SMYD3: variants seen among roughly 807,000 people sequenced by gnomAD.
SMYD3 encodes the protein histone-lysine N-methyltransferase SMYD3.
A neutral mutation model predicts 57.7 loss-of-function variants in SMYD3; 36 were observed. The ratio of observed to expected loss-of-function variants is 0.62; its 90% CI spans 0.48 to 0.82. SMYD3 has a LOEUF of 0.82. SMYD3 is among the 40% of genes least tolerant of loss of function. The probability of loss-of-function intolerance (pLI) is 0.00; values close to 1 mark genes in which losing one functional copy is unlikely to be tolerated. For synonymous variants in SMYD3, 211 were observed against 195.0 expected, an observed-to-expected ratio of 1.08 and a Z score of -0.68; for missense variants, 515 against 538.8, an observed-to-expected ratio of 0.96 and a Z score of 0.44.
At chr1:246,380,552 T>C (rs2066370568) in intron 1 of SMYD3, among the ~76,000 whole-genome samples, 2 of 152,286 alleles carry the variant, frequency 1.3e-5, no homozygotes, top group Admixed American at 1.3e-4. Flanking sequence ...ATATCCTTCC[T>C]ATTGTTGCTG....
At chr1:246,295,502 A>G (rs986605749) in intron 5 of SMYD3, among the ~76,000 whole-genome samples, 1 of 152,228 alleles carries the variant, frequency 6.6e-6, no homozygotes, top group South Asian at 2.1e-4. Flanking sequence ...TGATTTAACA[A>G]GAAGATTCTA....
chr1:245,951,875 C>G (rs1236567164), intron 5 of SMYD3, among the ~76,000 whole-genome samples: 1 of 152,128 alleles, frequency 6.6e-6, no homozygotes, highest in Non-Finnish European at 1.5e-5. Context: ...TCCTTTCTTT[C>G]CCTCTAGCTT....
At chr1:246,436,788 G>A (rs1284769087) in intron 1 of SMYD3, among the ~76,000 whole-genome samples, 2 of 152,116 alleles carry the variant, frequency 1.3e-5, no homozygotes, top group African/African-American at 4.8e-5. Context: ...CAGGTGTAAA[G>A]GGTTTTCACC....
chr1:246,480,894 G>A (rs1168305678), intron 1 of SMYD3, among the ~76,000 whole-genome samples: 1 of 151,988 alleles, frequency 6.6e-6, no homozygotes, highest in Non-Finnish European at 1.5e-5. Flanking sequence ...AGCCTCCCAG[G>A]TTCAAGCGAT....
chr1:245,808,145 T>C (rs908319595), intron 10 of SMYD3, among the ~76,000 whole-genome samples: 6 of 152,190 alleles, frequency 3.9e-5, no homozygotes, highest in African/African-American at 1.2e-4. Flanking sequence ...GATATGCTAA[T>C]ATAGAAATGG....
intron 1 of SMYD3, among the ~76,000 whole-genome samples, chr1:246,402,488 G>A (rs1168603407): frequency 2.0e-5 from 3 of 151,860 alleles, no homozygotes; most frequent in Non-Finnish European, 4.4e-5. Context: ...TCGAGACAGA[G>A]TGTCTGTAAC....
At chr1:246,242,235 T>C (rs2063625199) in intron 5 of SMYD3, among the ~76,000 whole-genome samples, 1 of 152,214 alleles carries the variant, frequency 6.6e-6, no homozygotes, top group Non-Finnish European at 1.5e-5. Flanking sequence ...CTTAATGCTC[T>C]AAATTTCCCT....
chr1:246,174,463 T>G (rs550043568), intron 5 of SMYD3, among the ~76,000 whole-genome samples: 1 of 152,322 alleles, frequency 6.6e-6, no homozygotes, highest in South Asian at 2.1e-4. Flanking sequence ...TTGTTTGTTT[T>G]TAAGACCAGG....
At chr1:246,167,142 C>T (rs1417653506) in intron 5 of SMYD3, among the ~76,000 whole-genome samples, 1 of 152,206 alleles carries the variant, frequency 6.6e-6, no homozygotes, top group Admixed American at 6.5e-5. Context: ...CTGAATGATA[C>T]TCGATTGTAT....
intron 1 of SMYD3, among the ~76,000 whole-genome samples, chr1:246,451,349 C>CTT (rs1332997189): frequency 2.6e-5 from 4 of 152,158 alleles, no homozygotes; most frequent in African/African-American, 9.7e-5. Context: ...ACGGAGGAAA[C>CTT]TTAAGTGAAT....
chr1:246,261,707 T>TAA (rs34249312), intron 5 of SMYD3, among the ~76,000 whole-genome samples: 1 of 150,934 alleles, frequency 6.6e-6, no homozygotes, highest in Non-Finnish European at 1.5e-5. Flanking sequence ...AATAAGAATT[T>TAA]AAAAAAAAAA....
chr1:246,173,835 C>A (rs2062386565), intron 5 of SMYD3, among the ~76,000 whole-genome samples: 2 of 152,044 alleles, frequency 1.3e-5, no homozygotes, highest in African/African-American at 4.8e-5. Flanking sequence ...GAGACAGGGT[C>A]TTGCTTTCCT....
intron 10 of SMYD3, among the ~76,000 whole-genome samples, chr1:245,836,396 A>G (rs1000835160): frequency 6.6e-6 from 1 of 152,194 alleles, no homozygotes; most frequent in Non-Finnish European, 1.5e-5. Flanking sequence ...TGCACTCACA[A>G]TAGCACATTC....
At chr1:245,903,462 C>A (rs181104614) in intron 8 of SMYD3, among the ~76,000 whole-genome samples, 2 of 152,128 alleles carry the variant, frequency 1.3e-5, no homozygotes, top group African/African-American at 2.4e-5. Context: ...CCCCCACCCC[C>A]ACAAGGACAC....
chr1:246,399,658 A>G (rs1310610800), intron 1 of SMYD3, among the ~76,000 whole-genome samples: 2 of 152,218 alleles, frequency 1.3e-5, no homozygotes, highest in Non-Finnish European at 2.9e-5. Context: ...CATTTTTAAT[A>G]GATACTATTT....
chr1:246,167,454 T>C (rs890222670), intron 5 of SMYD3, among the ~76,000 whole-genome samples: 1 of 152,106 alleles, frequency 6.6e-6, no homozygotes, highest in East Asian at 1.9e-4. Context: ...CCTACTACAT[T>C]TCATTCTATT....
chr1:246,045,826 A>G (rs1453323254), intron 5 of SMYD3, among the ~76,000 whole-genome samples: 5 of 151,718 alleles, frequency 3.3e-5, no homozygotes, highest in Non-Finnish European at 7.4e-5. Context: ...ATATGAACAG[A>G]CACTTCTCAA....
At chr1:245,856,206 G>C (rs111384980) in intron 10 of SMYD3, among the ~76,000 whole-genome samples, 1 of 152,232 alleles carries the variant, frequency 6.6e-6, no homozygotes, top group African/African-American at 2.4e-5. Context: ...AAAAGGCAAA[G>C]TATGACAACA....
At chr1:246,108,344 A>G (rs1050621181) in intron 5 of SMYD3, among the ~76,000 whole-genome samples, 1 of 152,230 alleles carries the variant, frequency 6.6e-6, no homozygotes, top group Non-Finnish European at 1.5e-5. Context: ...ATAGGGTCAC[A>G]GGTTACGCTA....
Sources: allele counts gnomAD v4.1 joint callset (sites outside exome capture counted in the v4.1 genomes callset), GRCh38; gene constraint gnomAD v4.1.1; transcripts MANE v1.5; gene names NCBI Gene and HGNC (gene_info 2026-07-23, HGNC 2026-07-21).